MAD1L1: variants seen among roughly 807,000 people sequenced by gnomAD.
The protein encoded by MAD1L1 is mitotic spindle assembly checkpoint protein MAD1.
Under a neutral mutation model 96.9 loss-of-function variants are expected in MAD1L1, and 95 were observed. That is an observed-to-expected ratio of 0.98 (90% confidence interval 0.83 to 1.16). The LOEUF is 1.16. Among genes scored for constraint, MAD1L1 ranks in the 50% most tolerant of loss-of-function variants. The probability of loss-of-function intolerance (pLI) is 0.00; values close to 1 mark genes in which losing one functional copy is unlikely to be tolerated. For synonymous variants in MAD1L1, 473 were observed against 396.6 expected (o/e 1.19, Z -2.29); for missense variants, 1,007 against 954.4 (o/e 1.06, Z -0.73).
chr7:2,003,689 G>C (rs1360129309), intron 13 of MAD1L1, among the ~76,000 whole-genome samples: 4 of 152,162 alleles, frequency 2.6e-5, no homozygotes, highest in Non-Finnish European at 5.9e-5. Context: ...CTGTGGATGA[G>C]GGGAAGGCCT....
intron 10 of MAD1L1, among the ~76,000 whole-genome samples, chr7:2,212,200 C>T (rs1281250720): frequency 6.6e-6 from 1 of 152,212 alleles, no homozygotes; most frequent in Non-Finnish European, 1.5e-5. Context: ...ACAGACAGGA[C>T]CAGACCTGGG....
At chr7:1,886,949 C>G (rs375384711) in intron 18 of MAD1L1, among the ~76,000 whole-genome samples, 2 of 152,272 alleles carry the variant, frequency 1.3e-5, no homozygotes, top group Admixed American at 1.3e-4. Context: ...AGTCCTGCCC[C>G]GCAGGTTCCT....
chr7:2,060,023 T>G (rs1241415014), intron 12 of MAD1L1, among the ~76,000 whole-genome samples: 1 of 152,082 alleles, frequency 6.6e-6, no homozygotes, highest in Non-Finnish European at 1.5e-5. Flanking sequence ...GCATTCATGG[T>G]TCACAAGATA....
At chr7:2,134,137 C>A (rs1225044360) in intron 11 of MAD1L1, among the ~76,000 whole-genome samples, 1 of 152,208 alleles carries the variant, frequency 6.6e-6, no homozygotes, top group Non-Finnish European at 1.5e-5. Context: ...CTCCTCCTAC[C>A]CGTGAACATA....
intron 18 of MAD1L1, among the ~76,000 whole-genome samples, chr7:1,821,228 G>A (rs890489917): frequency 2.0e-5 from 3 of 151,846 alleles, no homozygotes; most frequent in African/African-American, 4.8e-5. Flanking sequence ...TGGATTCCTC[G>A]AAAACCACAT....
intron 17 of MAD1L1, among the ~76,000 whole-genome samples, chr7:1,910,475 C>T (rs556573495): frequency 1.3e-5 from 2 of 152,346 alleles, no homozygotes; most frequent in South Asian, 4.1e-4. Flanking sequence ...GAGGGGACCC[C>T]TTGAACACCC....
chr7:2,198,054 G>A (rs78734983), intron 10 of MAD1L1, among the ~76,000 whole-genome samples: 9 of 149,930 alleles, frequency 6.0e-5, no homozygotes, highest in South Asian at 2.1e-4. Flanking sequence ...AAGCGCCCCC[G>A]CTCATCCCAA....
At chr7:2,205,821 A>G (rs1440290675) in intron 10 of MAD1L1, among the ~76,000 whole-genome samples, 1 of 152,146 alleles carries the variant, frequency 6.6e-6, no homozygotes, top group East Asian at 1.9e-4. Context: ...CCACCTATAT[A>G]TCTTCTCTTG....
chr7:2,231,561 C>T (rs926799803), intron 1 of MAD1L1, among the ~76,000 whole-genome samples: 3 of 152,018 alleles, frequency 2.0e-5, no homozygotes, highest in African/African-American at 7.2e-5. Context: ...GAACTGAGAT[C>T]GCGCCACTGC....
At chr7:1,873,589 G>T (rs915411368) in intron 18 of MAD1L1, among the ~76,000 whole-genome samples, 1 of 152,062 alleles carries the variant, frequency 6.6e-6, no homozygotes, top group African/African-American at 2.4e-5. Flanking sequence ...GGCTGGGCAG[G>T]GGGCTCTGCG....
intron 10 of MAD1L1, among the ~76,000 whole-genome samples, chr7:2,208,864 G>A (rs757137915): frequency 2.0e-5 from 3 of 151,988 alleles, no homozygotes; most frequent in Non-Finnish European, 4.4e-5. Flanking sequence ...GTCACTCCCC[G>A]AGACAGACCA....
In MAD1L1 at chr7:2,151,067, T is replaced by C. The variant is rs532919456; in HGVS notation, c.987-1829A>G. On this transcript the variant is annotated intron_variant, in intron 10 of 18. Transcript: ENST00000265854. ...AGCTGCCCTTGAACGCCGTGACCAT[T>C]CTCTCCAGTTTCCCAAAGCTTCCAA... Among the ~76,000 whole-genome samples the C allele has an allele frequency of 1.0e-3, 155 of 152,314 alleles. 1 individual carries two copies. The highest frequency in any genetic ancestry group is 3.6e-3 in the African/African-American group (149 of 41,562).
intron 11 of MAD1L1, among the ~76,000 whole-genome samples, chr7:2,100,592 TGTCC>T (rs1180608753): frequency 6.6e-6 from 1 of 152,244 alleles, no homozygotes; most frequent in Non-Finnish European, 1.5e-5. Context: ...GCAGAGATGC[TGTCC>T]GTGTCCTGGG....
chr7:2,018,640 G>C (rs886609920), intron 12 of MAD1L1, among the ~76,000 whole-genome samples: 3 of 152,174 alleles, frequency 2.0e-5, no homozygotes, highest in Non-Finnish European at 4.4e-5. Flanking sequence ...CATATGCAGA[G>C]GCCCCTCCTT....
intron 4 of MAD1L1, among the ~76,000 whole-genome samples, chr7:2,223,921 A>G (rs891769505): frequency 6.6e-6 from 1 of 152,186 alleles, no homozygotes; most frequent in Admixed American, 6.5e-5. Context: ...CTGGGGTCCC[A>G]TGCAGCTGTG....
At chr7:1,849,081 C>T (rs1783809540) in intron 18 of MAD1L1, 3 of 76,120 alleles carry the variant, frequency 3.9e-5, no homozygotes, top group Non-Finnish European at 5.7e-5. Flanking sequence ...CACAAATGCA[C>T]ATGCACGGAC....
At chr7:1,951,951 G>A (rs938619836) in intron 16 of MAD1L1, among the ~76,000 whole-genome samples, 1 of 152,144 alleles carries the variant, frequency 6.6e-6, no homozygotes, top group Non-Finnish European at 1.5e-5. Flanking sequence ...GGGCATGTAC[G>A]CAGCGGTGGA....
At chr7:2,053,735 C>T (rs1319833780) in intron 12 of MAD1L1, among the ~76,000 whole-genome samples, 2 of 152,186 alleles carry the variant, frequency 1.3e-5, no homozygotes, top group Non-Finnish European at 2.9e-5. Flanking sequence ...GTGACCCAGG[C>T]CCTGCATTCT....
In MAD1L1 at chr7:1,847,579, C is replaced by T. The variant is rs577282030; in HGVS notation, c.1999-31351G>A. The T allele has an allele frequency of 2.6e-4, 124 of 471,160 alleles. 1 individual carries two copies. Among genetic ancestry groups the T allele is most frequent in the African/African-American group, 2.1e-3 (107 of 50,212 alleles). The allele number at this position is 471,160 out of a possible 1,614,324, so 29.2% of individuals were successfully genotyped here. A position where few individuals can be genotyped will look rare whatever the true frequency, so the allele number is the denominator to read the frequency against. Reference sequence around the variant, plus strand: ...CCAGCAGCTGCCTTCGGCCCATGTTCTGAAACCGGGATGCACACAGCATGG... The same window carrying T: ...CCAGCAGCTGCCTTCGGCCCATGTTTTGAAACCGGGATGCACACAGCATGG... On this transcript the variant is annotated intron_variant, in intron 18 of 18. Coordinates refer to ENST00000265854, the MANE Select transcript of MAD1L1 (RefSeq NM_001013836.2).
Sources: allele counts gnomAD v4.1 joint callset (sites outside exome capture counted in the v4.1 genomes callset), GRCh38; gene constraint gnomAD v4.1.1; transcripts MANE v1.5; gene names NCBI Gene and HGNC (gene_info 2026-07-23, HGNC 2026-07-21).